EFCAB5: variants seen among roughly 807,000 people sequenced by gnomAD.
The protein encoded by EFCAB5 is EF-hand calcium binding domain 5.
Under a neutral mutation model 167.9 loss-of-function variants are expected in EFCAB5, and 131 were observed. The observed-to-expected ratio is 0.78, with a 90% CI of 0.68 to 0.90. The LOEUF (loss-of-function observed/expected upper bound fraction) is 0.90. Ranked by LOEUF, EFCAB5 falls within the 40% of genes least tolerant of loss-of-function variation. The probability of loss-of-function intolerance (pLI) is 0.00; values close to 1 mark genes in which losing one functional copy is unlikely to be tolerated. For synonymous variants in EFCAB5, 574 were observed against 602.8 expected (o/e 0.95, Z 0.70); for missense variants, 1,663 against 1,745.2 (o/e 0.95, Z 0.84).
At chr17:29,966,814 A>G (rs1449151411) in intron 3 of EFCAB5, among the ~76,000 whole-genome samples, 1 of 152,042 alleles carries the variant, frequency 6.6e-6, no homozygotes, top group East Asian at 1.9e-4. Flanking sequence ...CTGCACAGGA[A>G]ATTTGTCTTT....
chr17:30,051,712 C>T (rs1425386455), intron 9 of EFCAB5, among the ~76,000 whole-genome samples: 1 of 152,120 alleles, frequency 6.6e-6, no homozygotes, highest in Admixed American at 6.6e-5. Context: ...TGTGCACCAC[C>T]ATGCCCAGCT....
intron 2 of EFCAB5, 99 bp from the exon 3 acceptor site, chr17:29,943,466 T>C: frequency 9.4e-7 from 1 of 1,059,896 alleles, no homozygotes; most frequent in Admixed American, 2.4e-5. Context: ...TGGTTAACTC[T>C]TACAAAGCAA....
intron 4 of EFCAB5, among the ~76,000 whole-genome samples, chr17:29,978,935 C>T (rs1188228495): frequency 2.0e-5 from 3 of 152,138 alleles, no homozygotes; most frequent in Non-Finnish European, 4.4e-5. Context: ...AACATGCTTC[C>T]CAGCTTCCCT....
intron 7 of EFCAB5, among the ~76,000 whole-genome samples, chr17:30,005,157 C>A (rs1250756566): frequency 6.6e-6 from 1 of 152,090 alleles, no homozygotes; most frequent in Non-Finnish European, 1.5e-5. Context: ...CTGATTTATT[C>A]TCCTCAGCAA....
At chr17:30,044,938 A>G (rs754109203) in intron 8 of EFCAB5, among the ~76,000 whole-genome samples, 2 of 152,234 alleles carry the variant, frequency 1.3e-5, no homozygotes, top group Non-Finnish European at 2.9e-5. Flanking sequence ...AGCAAATTGT[A>G]GTATATTCAC....
intron 3 of EFCAB5, among the ~76,000 whole-genome samples, chr17:29,965,595 A>C (rs1281950675): frequency 6.6e-6 from 1 of 152,210 alleles, no homozygotes; most frequent in Non-Finnish European, 1.5e-5. Flanking sequence ...ATCCAGATTC[A>C]TCCCTTTGCA....
At chr17:29,931,076 A>G (rs1465162911) in intron 1 of EFCAB5, among the ~76,000 whole-genome samples, 1 of 152,248 alleles carries the variant, frequency 6.6e-6, no homozygotes, top group Non-Finnish European at 1.5e-5. Flanking sequence ...TCTGCAGAAC[A>G]TAAGCAAAGA....
intron 21 of EFCAB5, 140 bp downstream of exon 21, chr17:30,092,297 C>A: frequency 1.1e-6 from 1 of 908,982 alleles, no homozygotes; most frequent in Non-Finnish European, 1.6e-6. Flanking sequence ...GTAACCAGAC[C>A]TAGATCAAGA....
intron 13 of EFCAB5, among the ~76,000 whole-genome samples, chr17:30,058,302 C>T (rs1338971425): frequency 6.6e-6 from 1 of 152,148 alleles, no homozygotes; most frequent in East Asian, 1.9e-4. Context: ...GTACATATTT[C>T]CTAAGAACTT....
intron 12 of EFCAB5, among the ~76,000 whole-genome samples, chr17:30,056,921 T>C (rs537679369): frequency 5.9e-4 from 90 of 151,704 alleles, no homozygotes; most frequent in African/African-American, 2.0e-3. Flanking sequence ...ATGTAAAAAT[T>C]GTGAGTAATC....
intron 7 of EFCAB5, among the ~76,000 whole-genome samples, chr17:30,011,790 C>T (rs1335865401): frequency 6.6e-6 from 1 of 152,130 alleles, no homozygotes; most frequent in Non-Finnish European, 1.5e-5. Flanking sequence ...TAATTGAATA[C>T]TGTGGGTGGC....
chr17:29,952,528 A>T (rs1335272278), intron 3 of EFCAB5, among the ~76,000 whole-genome samples: 1 of 152,244 alleles, frequency 6.6e-6, no homozygotes, highest in Non-Finnish European at 1.5e-5. Context: ...AGAATGAATA[A>T]GCACATTACA....
chr17:29,956,636 A>T (rs1033099706), intron 3 of EFCAB5, among the ~76,000 whole-genome samples: 2 of 152,256 alleles, frequency 1.3e-5, no homozygotes, highest in Non-Finnish European at 2.9e-5. Flanking sequence ...ATTTGTATGG[A>T]TGCAGCTTTA....
At chr17:30,027,275 A>G (rs1597691944) in intron 7 of EFCAB5, among the ~76,000 whole-genome samples, 2 of 131,696 alleles carry the variant, frequency 1.5e-5, no homozygotes, top group East Asian at 4.6e-4. Flanking sequence ...GTGAGCCACC[A>G]TGCCCAGCCA....
In EFCAB5 at chr17:30,053,498, A is replaced by C; in HGVS notation, c.1544A>C (p.Glu515Ala). The C allele has an allele frequency of 6.2e-7, 1 of 1,614,050 alleles. No homozygotes were observed. Among genetic ancestry groups the C allele is most frequent in the Non-Finnish European group, 8.5e-7 (1 of 1,179,902 alleles). Residue 515 changes from glutamate to alanine, a missense_variant, in exon 10 of 23, where the codon GAA (glutamate) becomes GCA (alanine). Glu to Ala is a moderately radical substitution (Grantham distance 107). Coordinates refer to ENST00000394835, the MANE Select transcript of EFCAB5 (RefSeq NM_198529.4). ...GAACAGCAGAGAGGAGTAACTGCAG[A>C]ACAAGGACCACAAAGAATTTCAATT... Reference protein sequence around the residue: ...PPEQQRGVTAEQGPQRISIEE... With the variant: ...PPEQQRGVTAAQGPQRISIEE...
At chr17:30,038,303 T>A (rs1433608657) in intron 8 of EFCAB5, among the ~76,000 whole-genome samples, 1 of 152,212 alleles carries the variant, frequency 6.6e-6, no homozygotes, top group Non-Finnish European at 1.5e-5. Flanking sequence ...TTAAGAATTA[T>A]GCCAAATCTA....
chr17:30,059,680 G>C lies in EFCAB5; in HGVS notation c.2716G>C (p.Glu906Gln), dbSNP rs2070373202. ...ELLYTYKEGM[E>Q]KESMKKAKLH... is the part of the protein sequence containing the mutation. Reference sequence around the variant, plus strand: ...CTTGTACACATACAAGGAGGGAATGGAAAAAGAATCTATGAAGAAAGGTAA... The same window carrying C: ...CTTGTACACATACAAGGAGGGAATGCAAAAAGAATCTATGAAGAAAGGTAA... Residue 906 changes from glutamate to glutamine, a missense_variant, in exon 14 of 23, where the codon GAA (glutamate) becomes CAA (glutamine). By Grantham distance (29) the Glu-to-Gln change is conservative. Coordinates refer to ENST00000394835, the MANE Select transcript of EFCAB5 (RefSeq NM_198529.4). 1 of 1,590,710 alleles carries C rather than the reference G, an allele frequency of 6.3e-7. No individual in the cohort carries two copies.
At chr17:30,029,749 C>T (rs1052875939) in intron 7 of EFCAB5, among the ~76,000 whole-genome samples, 1 of 152,114 alleles carries the variant, frequency 6.6e-6, no homozygotes, top group African/African-American at 2.4e-5. Context: ...GAAGTTAATA[C>T]CTAAGATAGA....
intron 7 of EFCAB5, among the ~76,000 whole-genome samples, chr17:30,014,696 C>T (rs1313973212): frequency 1.3e-5 from 2 of 152,126 alleles, no homozygotes; most frequent in Admixed American, 1.3e-4. Context: ...ATGTGTGTCT[C>T]TGCACGTGAG....
Sources: allele counts gnomAD v4.1 joint callset (sites outside exome capture counted in the v4.1 genomes callset), GRCh38; gene constraint gnomAD v4.1.1; transcripts MANE v1.5; gene names NCBI Gene and HGNC (gene_info 2026-07-23, HGNC 2026-07-21).